Variants in SLC30A6 observed in about 807,000 individuals in gnomAD.
SLC30A6 encodes solute carrier family 30 member 6.
In SLC30A6, 55 loss-of-function variants were observed where a neutral mutation model predicts 63.0. The observed-to-expected ratio is 0.87, with a 90% CI of 0.70 to 1.09. The LOEUF (loss-of-function observed/expected upper bound fraction) is 1.09. SLC30A6 is among the 50% of genes least tolerant of loss of function. SLC30A6 has a pLI of 0.00. For missense variants in SLC30A6, 587 were observed against 549.2 expected (o/e 1.07, Z -0.69); for synonymous variants, 224 against 186.1 (o/e 1.20, Z -1.66).
chr2:32,217,902 G>T (rs1457925986), intron 13 of SLC30A6, among the ~76,000 whole-genome samples: 3 of 151,720 alleles, frequency 2.0e-5, no homozygotes, highest in East Asian at 1.9e-4. Flanking sequence ...GCGTGCAGTG[G>T]TGCAGCCACT....
At chr2:32,212,917 T>G (rs1276834695) in intron 13 of SLC30A6, among the ~76,000 whole-genome samples, 2 of 85,568 alleles carry the variant, frequency 2.3e-5, no homozygotes, top group African/African-American at 1.0e-4. Context: ...TTTTTTTTTT[T>G]TTTTAAGGAG....
chr2:32,194,686 A>T (rs145357472), intron 8 of SLC30A6, among the ~76,000 whole-genome samples: 2 of 152,120 alleles, frequency 1.3e-5, no homozygotes, highest in African/African-American at 4.8e-5. Flanking sequence ...TTTAGATCTC[A>T]CTCTAGGATA....
chr2:32,211,315 A>G (rs960861765), intron 13 of SLC30A6, among the ~76,000 whole-genome samples: 1 of 152,226 alleles, frequency 6.6e-6, no homozygotes, highest in Non-Finnish European at 1.5e-5. Context: ...AAATTCTTGA[A>G]TGTTGAAAGC....
intron 5 of SLC30A6, among the ~76,000 whole-genome samples, chr2:32,189,189 C>G (rs953094930): frequency 2.0e-5 from 3 of 151,742 alleles, no homozygotes; most frequent in Admixed American, 6.6e-5. Flanking sequence ...AATACCAAAC[C>G]GTTTTCCAGA....
intron 13 of SLC30A6, among the ~76,000 whole-genome samples, chr2:32,220,010 T>G (rs1210840682): frequency 6.6e-6 from 1 of 152,206 alleles, no homozygotes; most frequent in Non-Finnish European, 1.5e-5. Flanking sequence ...TTTCTTTTTT[T>G]GTATTTTAAA....
intron 13 of SLC30A6, among the ~76,000 whole-genome samples, chr2:32,213,928 C>T (rs12620802): frequency 0.07 from 10,677 of 151,654 alleles, 398 homozygotes; most frequent in East Asian, 0.092. Flanking sequence ...CTCAGCCTCC[C>T]AAGTAGATAA....
chr2:32,183,919 T>C (rs889996853), intron 4 of SLC30A6, among the ~76,000 whole-genome samples: 1 of 152,182 alleles, frequency 6.6e-6, no homozygotes, highest in Non-Finnish European at 1.5e-5. Context: ...TTAAAATTGA[T>C]CATATGTGTC....
At chr2:32,204,987 A>G (rs1325721474) in intron 11 of SLC30A6, among the ~76,000 whole-genome samples, 1 of 151,784 alleles carries the variant, frequency 6.6e-6, no homozygotes, top group Non-Finnish European at 1.5e-5. Context: ...AATTTTTAAA[A>G]ATATTTGTAG....
At chr2:32,206,826 C>A (rs968367646) in intron 11 of SLC30A6, 60 bp from the exon 12 acceptor site, 96 of 1,343,130 alleles carry the variant, frequency 7.1e-5, no homozygotes, top group Non-Finnish European at 8.2e-5. Flanking sequence ...GGTTCAGGAC[C>A]ATTGTTGGCA....
At chr2:32,192,173 A>G (rs766304972) in intron 5 of SLC30A6, among the ~76,000 whole-genome samples, 163 bp from the exon 6 acceptor site, 2 of 151,696 alleles carry the variant, frequency 1.3e-5, no homozygotes, top group Non-Finnish European at 2.9e-5. Context: ...TTCATTGTTT[A>G]TTATTATTCT....
intron 5 of SLC30A6, among the ~76,000 whole-genome samples, chr2:32,187,465 G>A (rs1217599695): frequency 1.3e-5 from 2 of 152,168 alleles, no homozygotes; most frequent in African/African-American, 4.8e-5. Context: ...GGACATGACA[G>A]CTCCCATTTT....
At chr2:32,190,772 G>A (rs750637269) in intron 5 of SLC30A6, among the ~76,000 whole-genome samples, 6 of 151,954 alleles carry the variant, frequency 3.9e-5, no homozygotes, top group South Asian at 2.1e-4. Flanking sequence ...TTACAGGCCC[G>A]CACCACCACG....
chr2:32,184,353 T>G lies in SLC30A6; in HGVS notation c.284+15T>G. The stretch of plus-strand genomic sequence containing the variant: ...TATTCATTTGGGTAAGTTCAAATTA[T>G]TTTATTTTCTGCTAACTTATGACTA... On this transcript the variant is annotated intron_variant, in intron 5 of 13. Coordinates refer to ENST00000282587, the MANE Select transcript of SLC30A6 (RefSeq NM_017964.5). 6.9e-7 allele frequency: 1 copy of G among 1,441,892 alleles called. No individual in the cohort carries two copies. Among genetic ancestry groups the G allele is most frequent in the East Asian group, 2.4e-5 (1 of 41,020 alleles). The allele number at this position is 1,441,892 out of a possible 1,614,324, so 89.3% of individuals were successfully genotyped here. A position where few individuals can be genotyped will look rare whatever the true frequency, so the allele number is the denominator to read the frequency against.
chr2:32,197,297 G>GTTT, intron 8 of SLC30A6, 47 bp from the exon 9 acceptor site: 3 of 1,479,766 alleles, frequency 2.0e-6, no homozygotes, highest in South Asian at 1.3e-5. Context: ...TCAGGTAGTG[G>GTTT]TTTTTTTTTC....
intron 13 of SLC30A6, among the ~76,000 whole-genome samples, chr2:32,215,517 T>TATATATATATATATATATATATA (rs1553339788): frequency 8.9e-5 from 8 of 89,408 alleles, no homozygotes; most frequent in African/African-American, 3.2e-4. Context: ...TATATATATA[T>TATATATATATATATATATATATA]TTTTTTTTTT....
At chr2:32,191,342 A>G (rs1308994932) in intron 5 of SLC30A6, among the ~76,000 whole-genome samples, 1 of 152,124 alleles carries the variant, frequency 6.6e-6, no homozygotes, top group Admixed American at 6.5e-5. Context: ...ACAATATATA[A>G]TGTTCTATTG....
At chr2:32,194,055 C>T (rs763728792) in intron 8 of SLC30A6, 72 bp downstream of exon 8, 10 of 1,222,764 alleles carry the variant, frequency 8.2e-6, no homozygotes, top group African/African-American at 1.5e-5. Flanking sequence ...TTGTTTGTTT[C>T]GTTCACTCAG....
intron 10 of SLC30A6, chr2:32,203,233 C>G: frequency 9.8e-7 from 1 of 1,024,978 alleles, no homozygotes; most frequent in Non-Finnish European, 1.6e-6. Flanking sequence ...GTTCTGGACG[C>G]ACAGGTAGAG....
intron 1 of SLC30A6, among the ~76,000 whole-genome samples, chr2:32,170,168 C>T (rs1357684467): frequency 6.6e-6 from 1 of 152,082 alleles, no homozygotes; most frequent in Non-Finnish European, 1.5e-5. Flanking sequence ...CTTCCCCCAA[C>T]TCCCAGATTA....
Sources: gnomAD v4.1 joint callset for allele counts (sites outside exome capture counted in the v4.1 genomes callset) on GRCh38, gnomAD v4.1.1 for gene constraint, MANE v1.5 for transcripts, NCBI Gene and HGNC (gene_info 2026-07-23, HGNC 2026-07-21) for gene names.